CACNA1A: variants seen among roughly 807,000 people sequenced by gnomAD.
CACNA1A encodes the protein calcium voltage-gated channel subunit alpha1 A, also known as voltage-dependent P/Q-type calcium channel subunit alpha-1A.
In CACNA1A, 57 loss-of-function variants were observed where a neutral mutation model predicts 262.4. That is an observed-to-expected ratio of 0.22 (90% CI 0.18 to 0.27). The LOEUF (loss-of-function observed/expected upper bound fraction) is 0.27, where lower values mean the gene tolerates loss of function less well. Among genes scored for constraint, CACNA1A ranks in the 10% least tolerant of loss-of-function variants. CACNA1A has a pLI of 1.00. For synonymous variants in CACNA1A, 1,431 were observed against 1,419.3 expected (o/e 1.01, Z -0.18); for missense variants, 2,526 against 3,562.8 (o/e 0.71, Z 7.41).
In CACNA1A at chr19:13,261,503, C is replaced by G. The variant is rs1475353262; in HGVS notation, c.4197G>C (p.Lys1399Asn). ...CGTCAGTGCAGTGGAAGAATTTCCC[C>G]TTGAAGAGCTGCACAGCCACCACGG... The part of the protein sequence containing the change: ...IFAVVAVQLF[K>N]GKFFHCTDES... The change falls in exon 26 of 47, where the codon AAG becomes AAC. Residue 1399 changes from lysine (K) to asparagine (N), a missense_variant. Transcript: ENST00000360228. 1 of 1,591,702 alleles carries G rather than the reference C, an allele frequency of 6.3e-7. No homozygotes were observed. The highest frequency in any genetic ancestry group is 1.8e-5 in the Admixed American group (1 of 55,478).
intron 3 of CACNA1A, among the ~76,000 whole-genome samples, chr19:13,380,550 G>A (rs895163710): frequency 6.8e-6 from 1 of 146,148 alleles, no homozygotes; most frequent in African/African-American, 2.5e-5. Flanking sequence ...AGAGGCAGAG[G>A]CAGGCGAACT....
At chr19:13,311,693 C>T (rs1181162144) in intron 12 of CACNA1A, among the ~76,000 whole-genome samples, 5 of 151,922 alleles carry the variant, frequency 3.3e-5, no homozygotes, top group Non-Finnish European at 7.4e-5. Flanking sequence ...AAAAATTAGC[C>T]AGGTATGATG....
At position 13,437,428 on chromosome 19, in the gene CACNA1A, C is replaced by G. The variant is rs568905096; in HGVS notation, c.539+15448G>C. 1.5e-4 allele frequency among the ~76,000 whole-genome samples: 23 copies of G among 152,252 alleles called. No individual in the cohort carries two copies. The South Asian group carries it at 4.6e-3, about 30-fold the overall frequency. On this transcript the variant is annotated intron_variant, in intron 3 of 46. Coordinates refer to ENST00000360228, the MANE Select transcript of CACNA1A (RefSeq NM_001127222.2). ...GAAAAGGGCCAGGTGTGGTGGCTCA[C>G]GCCTCTAATCCCAGCATTTTGGGAG... is the stretch of plus-strand genomic sequence containing the variant.
At position 13,308,344 on chromosome 19, in the gene CACNA1A, T is replaced by G. The variant is rs2057950740; in HGVS notation, c.1781+72A>C. ...AAACACGAGGCTCACTTTCCCAACT[T>G]TCTGGAGGCGGCCCCACCATGTCCC... On this transcript the variant is annotated intron_variant, in intron 13 of 46. Transcript: ENST00000360228. The surrounding 1 kb of genome is among the most constrained non-coding windows in gnomAD (Gnocchi z 4.2). 9 of 1,551,554 alleles carry G rather than the reference T, an allele frequency of 5.8e-6. No homozygotes were observed. The highest frequency in any genetic ancestry group is 7.9e-6 in the Non-Finnish European group (9 of 1,143,350).
At chr19:13,352,616 C>T (rs1600402775) in intron 6 of CACNA1A, among the ~76,000 whole-genome samples, 2 of 152,108 alleles carry the variant, frequency 1.3e-5, no homozygotes, top group African/African-American at 4.8e-5. Context: ...TCATTTTCCC[C>T]TCTTATCATT....
rs867600983 is a variant in CACNA1A, at chr19:13,317,324, G to A, written c.1346-3C>T. 2.5e-6 allele frequency: 4 copies of A among 1,595,704 alleles called. No homozygotes were observed. The Middle Eastern group carries it at 6.9e-4, about 274-fold the overall frequency. ...GCTGGCTCGGGCGAAGGGAGAACCT[G>A]CCAGGGAAAAGATGGAGAATGTCAG... On this transcript the variant is annotated splice_polypyrimidine_tract_variant and splice_region_variant and intron_variant, in intron 10 of 46. Transcript: ENST00000360228.
chr19:13,225,024 G>A (rs1273271884), intron 37 of CACNA1A: 1 of 418,604 alleles, frequency 2.4e-6, no homozygotes, highest in Admixed American at 3.7e-5. Flanking sequence ...TGACCTGAGA[G>A]CTGGCATTTC....
In CACNA1A at chr19:13,286,555, T is replaced by C. The variant is rs1467183042; in HGVS notation, c.3501A>G (p.Thr1167=). The C allele has an allele frequency of 2.0e-5, 31 of 1,536,616 alleles. No homozygotes were observed. Among genetic ancestry groups the C allele is most frequent in the Non-Finnish European group, 2.7e-5 (31 of 1,145,972 alleles). The change falls in exon 20 of 47, where the codon ACA becomes ACG. Residue 1167 remains threonine, a synonymous_variant. Transcript: ENST00000360228. Reference sequence around the variant, plus strand: ...GTGGGCAGGCTGGGGGGATGTCCACTGTGGTGTGGTCGGGTTTCCTGGCAG... The same window carrying C: ...GTGGGCAGGCTGGGGGGATGTCCACCGTGGTGTGGTCGGGTTTCCTGGCAG... The part of the protein sequence containing the change: ...AKTARKPDHT[T]VDIPPACPPP...
intron 6 of CACNA1A, among the ~76,000 whole-genome samples, chr19:13,341,083 A>C (rs1042473287): frequency 1.3e-5 from 2 of 152,162 alleles, no homozygotes; most frequent in African/African-American, 4.8e-5. Context: ...AAAATAAAGA[A>C]ACAAACAAAC....
intron 10 of CACNA1A, among the ~76,000 whole-genome samples, chr19:13,325,062 T>G (rs1439436230): frequency 1.4e-5 from 2 of 141,790 alleles, no homozygotes; most frequent in African/African-American, 2.8e-5. Flanking sequence ...CCCCTTCCCC[T>G]TCCTCCTCCT....
chr19:13,253,527 G>T (rs2144728558), intron 29 of CACNA1A, among the ~76,000 whole-genome samples: 1 of 126,724 alleles, frequency 7.9e-6, no homozygotes, highest in South Asian at 2.6e-4. Flanking sequence ...CTCACTGCAA[G>T]CTCCACCTCC....
chr19:13,268,459 A>G (rs1488538456), intron 24 of CACNA1A, among the ~76,000 whole-genome samples: 2 of 143,666 alleles, frequency 1.4e-5, no homozygotes, highest in African/African-American at 5.2e-5. Context: ...TTTGAAACGG[A>G]GTCTCGCTCT....
rs141214961 is a variant in CACNA1A, at chr19:13,439,924, C to G, written c.539+12952G>C. On this transcript the variant is annotated intron_variant, in intron 3 of 46. Coordinates refer to ENST00000360228, the MANE Select transcript of CACNA1A (RefSeq NM_001127222.2). ...GGATCACTTGGTCCATTTTCAAATT[C>G]CTGGGTAGGAAAACGTGACTGGTTG... Among the ~76,000 whole-genome samples, 15 of 152,192 alleles carry G rather than the reference C, an allele frequency of 9.9e-5. No individual in the cohort carries two copies. The East Asian group carries it at 2.9e-3, about 29-fold the overall frequency.
At chr19:13,303,270 C>CCCT (rs2057825554) in intron 17 of CACNA1A, among the ~76,000 whole-genome samples, 1 of 152,198 alleles carries the variant, frequency 6.6e-6, no homozygotes, top group African/African-American at 2.4e-5. Context: ...TCCCTGTAAA[C>CCCT]GGCCTTTTGG....
chr19:13,282,479 C>A (rs1049917135), intron 22 of CACNA1A, among the ~76,000 whole-genome samples: 6 of 152,104 alleles, frequency 3.9e-5, no homozygotes, highest in African/African-American at 1.4e-4. Flanking sequence ...AGCATGCACT[C>A]ATTCCTGCTT....
intron 34 of CACNA1A, among the ~76,000 whole-genome samples, chr19:13,234,114 C>A (rs1439831235): frequency 6.7e-6 from 1 of 148,832 alleles, no homozygotes; most frequent in East Asian, 2.0e-4. Flanking sequence ...CTTTGGGAGG[C>A]CGAGGCGGGC....
At chr19:13,284,862 G>A (rs1471491458) in intron 21 of CACNA1A, among the ~76,000 whole-genome samples, 1 of 152,118 alleles carries the variant, frequency 6.6e-6, no homozygotes, top group Non-Finnish European at 1.5e-5. Flanking sequence ...CTAGTGGATG[G>A]CAGGACAGGG....
intron 2 of CACNA1A, among the ~76,000 whole-genome samples, 198 bp downstream of exon 2, chr19:13,454,909 T>C (rs548081981): frequency 8.5e-5 from 13 of 152,098 alleles, no homozygotes; most frequent in Admixed American, 3.3e-4. Flanking sequence ...CAGTGAGCTA[T>C]GACTGAACCA....
chr19:13,465,591 C>T (rs1307009394), intron 1 of CACNA1A, among the ~76,000 whole-genome samples: 3 of 151,924 alleles, frequency 2.0e-5, no homozygotes, highest in African/African-American at 4.8e-5. Flanking sequence ...CTCAATCGAT[C>T]CTCTCGCCTC....
Sources: allele counts gnomAD v4.1 joint callset (sites outside exome capture counted in the v4.1 genomes callset), GRCh38; gene constraint gnomAD v4.1.1; non-coding constraint Gnocchi (gnomAD v3.1); transcripts MANE v1.5; gene names NCBI Gene and HGNC (gene_info 2026-07-23, HGNC 2026-07-21).